Variants in FOXP1 observed in about 807,000 individuals in gnomAD.
The protein encoded by FOXP1 is forkhead box protein P1.
In FOXP1, 15 loss-of-function variants were observed where a neutral mutation model predicts 98.2. That is an observed-to-expected ratio of 0.15 (90% CI 0.10 to 0.24). The LOEUF is 0.24. Ranked by LOEUF, FOXP1 falls within the 10% of genes least tolerant of loss-of-function variation. The probability of loss-of-function intolerance (pLI) is 1.00; values close to 1 mark genes in which losing one functional copy is unlikely to be tolerated. For synonymous variants in FOXP1, 371 were observed against 314.5 expected, an observed-to-expected ratio of 1.18 and a Z score of -1.90; for missense variants, 633 against 848.5, an observed-to-expected ratio of 0.75 and a Z score of 3.15.
chr3:71,582,694 C>T (rs1377944025), intron 1 of FOXP1: 1 of 985,280 alleles, frequency 1.0e-6, no homozygotes, highest in Non-Finnish European at 1.2e-6. Flanking sequence ...GGCTCCCGCA[C>T]CCACCCGTGG....
intron 2 of FOXP1, among the ~76,000 whole-genome samples, chr3:71,580,526 T>G (rs2048084088): frequency 6.6e-6 from 1 of 152,150 alleles, no homozygotes; most frequent in African/African-American, 2.4e-5. Flanking sequence ...TTTGATACAT[T>G]TCTCTCTGGA....
intron 3 of FOXP1, among the ~76,000 whole-genome samples, chr3:71,456,573 A>G (rs1264757810): frequency 6.6e-6 from 1 of 152,138 alleles, no homozygotes; most frequent in Non-Finnish European, 1.5e-5. Flanking sequence ...CAACTCCCCT[A>G]CACACTAGCT....
At chr3:71,086,135 G>C (rs933054603) in intron 7 of FOXP1, among the ~76,000 whole-genome samples, 1 of 152,190 alleles carries the variant, frequency 6.6e-6, no homozygotes, top group Non-Finnish European at 1.5e-5. Context: ...AAGAGACTCA[G>C]GATGACATGG....
chr3:71,350,022 C>T (rs2077675880), intron 4 of FOXP1, among the ~76,000 whole-genome samples: 2 of 152,020 alleles, frequency 1.3e-5, no homozygotes, highest in South Asian at 4.2e-4. Context: ...GAAGTTTTTC[C>T]CAAGAAGGTT....
intron 4 of FOXP1, among the ~76,000 whole-genome samples, chr3:71,342,889 T>C (rs1038913300): frequency 1.3e-5 from 2 of 152,220 alleles, no homozygotes; most frequent in African/African-American, 4.8e-5. Context: ...GACATATTAC[T>C]GTTAACTAAA....
intron 3 of FOXP1, among the ~76,000 whole-genome samples, chr3:71,491,584 GT>G (rs1577815214): frequency 6.6e-6 from 1 of 152,116 alleles, no homozygotes; most frequent in East Asian, 1.9e-4. Context: ...ACTGACAGAA[GT>G]AATACTGTAG....
chr3:71,549,296 G>A (rs956189341), intron 2 of FOXP1, among the ~76,000 whole-genome samples: 2 of 152,118 alleles, frequency 1.3e-5, no homozygotes, highest in African/African-American at 2.4e-5. Flanking sequence ...CAGTTCAGTC[G>A]CTGGGGTTTT....
chr3:71,260,388 T>C (rs562002886), intron 5 of FOXP1, among the ~76,000 whole-genome samples: 6 of 152,304 alleles, frequency 3.9e-5, no homozygotes, highest in Middle Eastern at 3.4e-3. Context: ...TGTCAAAGAA[T>C]TTATGGGATG....
intron 3 of FOXP1, among the ~76,000 whole-genome samples, chr3:71,363,819 G>T (rs1314738973): frequency 6.6e-6 from 1 of 152,220 alleles, no homozygotes; most frequent in African/African-American, 2.4e-5. Context: ...TAACCAAATA[G>T]ATGGAAGTGG....
intron 7 of FOXP1, among the ~76,000 whole-genome samples, chr3:71,079,130 G>A (rs996926926): frequency 1.3e-5 from 2 of 152,020 alleles, no homozygotes; most frequent in Admixed American, 6.6e-5. Flanking sequence ...TTGCCCCTGC[G>A]CCCCTCCAAA....
chr3:71,052,569 G>T lies in FOXP1; in HGVS notation c.478C>A (p.Gln160Lys), dbSNP rs2050055111. ...GGCTGTTTTCCAGCATGTTGTTGTT[G>T]TAAAAGTTGAAGCTGCAACTGTTCC... ...QQEQLQLQLLQQQHAGKQPKE... is the reference protein window; with the variant it reads ...QQEQLQLQLLKQQHAGKQPKE... Residue 160 changes from glutamine (Q) to lysine (K), a missense_variant, in exon 9 of 21, where the codon CAA becomes AAA. By Grantham distance (53) the Gln-to-Lys change is moderately conservative. Around this residue, in one of 6 missense-constraint regions of FOXP1, gnomAD observed 210 missense variants for 270.6 expected, o/e 0.78. Coordinates refer to ENST00000649528, the MANE Select transcript of FOXP1 (RefSeq NM_001349338.3). The T allele has an allele frequency of 2.1e-6, 3 of 1,434,924 alleles. No individual in the cohort carries two copies. Among genetic ancestry groups the T allele is most frequent in the Non-Finnish European group, 2.0e-6 (2 of 1,016,068 alleles). 88.9% of individuals were successfully genotyped at this position (1,434,924 alleles called of 1,614,324 possible). A position where few individuals can be genotyped will look rare whatever the true frequency, so the allele number is the denominator to read the frequency against.
intron 5 of FOXP1, among the ~76,000 whole-genome samples, chr3:71,243,337 C>T (rs1055892789): frequency 2.6e-5 from 4 of 152,190 alleles, no homozygotes; most frequent in Non-Finnish European, 5.9e-5. Context: ...GACAGGGCTA[C>T]AGTGCATGCA....
At chr3:70,968,687 T>C (rs538351144) in intron 19 of FOXP1, 1 of 152,352 alleles carries the variant, frequency 6.6e-6, no homozygotes, top group African/African-American at 2.4e-5. Context: ...GATTCTGCTG[T>C]CCTATTTTAT....
intron 4 of FOXP1, among the ~76,000 whole-genome samples, chr3:71,328,978 A>AG: frequency 8.9e-6 from 1 of 112,660 alleles, no homozygotes; most frequent in Non-Finnish European, 2.0e-5. Flanking sequence ...TCTCGCTAAA[A>AG]AAAAAAAAAA....
At chr3:71,190,682 T>C (rs947034065) in intron 6 of FOXP1, among the ~76,000 whole-genome samples, 1 of 139,760 alleles carries the variant, frequency 7.2e-6, no homozygotes, top group African/African-American at 2.7e-5. Context: ...AATGAAAATA[T>C]GCAAATGATC....
chr3:71,340,495 T>C (rs1377385631), intron 4 of FOXP1, among the ~76,000 whole-genome samples: 1 of 152,142 alleles, frequency 6.6e-6, no homozygotes, highest in African/African-American at 2.4e-5. Flanking sequence ...GGCTGTAGAG[T>C]CAGAGATTTA....
In FOXP1 at chr3:71,423,639, G is replaced by A. The variant is rs1039689361; in HGVS notation, c.-167-64395C>T. On this transcript the variant is annotated intron_variant, in intron 3 of 20. Coordinates refer to ENST00000649528, the MANE Select transcript of FOXP1 (RefSeq NM_001349338.3). ...TAGGCCATAGAACCAGAATTAGAGA[G>A]GTAGCTGGCCATGGGGCCAACACAG... is the stretch of plus-strand genomic sequence containing the variant. Among the ~76,000 whole-genome samples, 3 of 152,242 alleles carry A rather than the reference G, an allele frequency of 2.0e-5. No homozygotes were observed. The South Asian group carries it at 6.2e-4, about 31-fold the overall frequency.
chr3:71,060,440 A>G (rs191508171), intron 7 of FOXP1, among the ~76,000 whole-genome samples: 2 of 152,146 alleles, frequency 1.3e-5, no homozygotes, highest in South Asian at 2.1e-4. Context: ...AAAGCTTCCC[A>G]TAAGTTAAAG....
intron 7 of FOXP1, among the ~76,000 whole-genome samples, chr3:71,108,602 C>A (rs1465890405): frequency 1.3e-5 from 2 of 152,136 alleles, no homozygotes; most frequent in Non-Finnish European, 2.9e-5. Flanking sequence ...CAAGTCTCTA[C>A]TAAAATTACA....
Sources: gnomAD v4.1 joint callset for allele counts (sites outside exome capture counted in the v4.1 genomes callset) on GRCh38, gnomAD v4.1.1 for gene constraint, gnomAD v4.1.1 regional missense constraint, MANE v1.5 for transcripts, NCBI Gene and HGNC (gene_info 2026-07-23, HGNC 2026-07-21) for gene names.